MINDY2: variants seen among roughly 807,000 people sequenced by gnomAD.
MINDY2 encodes the protein MINDY lysine 48 deubiquitinase 2.
MINDY2 carries 52 observed loss-of-function variants against 68.2 expected under a neutral mutation model. That is an observed-to-expected ratio of 0.76 (90% confidence interval 0.61 to 0.96). The LOEUF (loss-of-function observed/expected upper bound fraction) is 0.96. MINDY2 is among the 40% of genes least tolerant of loss of function. The probability of loss-of-function intolerance (pLI) is 0.00; values close to 1 mark genes in which losing one functional copy is unlikely to be tolerated. For synonymous variants in MINDY2, 372 were observed against 303.0 expected, an observed-to-expected ratio of 1.23 and a Z score of -2.36; for missense variants, 881 against 773.4, an observed-to-expected ratio of 1.14 and a Z score of -1.65.
At chr15:58,832,791 G>T (rs1165260401) in intron 6 of MINDY2, among the ~76,000 whole-genome samples, 19 of 152,202 alleles carry the variant, frequency 1.2e-4, no homozygotes, top group African/African-American at 4.6e-4. Context: ...CTCCCAAAGT[G>T]CTGGGATTAC....
intron 5 of MINDY2, among the ~76,000 whole-genome samples, chr15:58,828,212 G>C (rs2031519383): frequency 6.6e-6 from 1 of 151,492 alleles, no homozygotes; most frequent in African/African-American, 2.4e-5. Context: ...CTGGGCATTT[G>C]TCATTAAAAT....
intron 3 of MINDY2, among the ~76,000 whole-genome samples, chr15:58,809,665 C>T (rs1484995362): frequency 6.6e-6 from 1 of 152,210 alleles, no homozygotes; most frequent in African/African-American, 2.4e-5. Context: ...TTCTATTACT[C>T]TCTACAACTC....
intron 7 of MINDY2, among the ~76,000 whole-genome samples, chr15:58,850,995 A>G (rs1308181473): frequency 6.6e-6 from 1 of 151,254 alleles, no homozygotes; most frequent in African/African-American, 2.4e-5. Flanking sequence ...TTTTTTCACG[A>G]CTGAGTCTTC....
chr15:58,831,758 T>C lies in MINDY2; in HGVS notation c.1226-16T>C, dbSNP rs2031737776. The stretch of plus-strand genomic sequence containing the variant: ...GAAATTATTCTTCTATCTAATGTTA[T>C]GCATTGGTTCTATAGGCTTTGTAGC... On this transcript the variant is annotated splice_polypyrimidine_tract_variant and intron_variant, in intron 5 of 8. Coordinates refer to ENST00000559228, the MANE Select transcript of MINDY2 (RefSeq NM_001040450.3). 1 of 1,597,740 alleles carries C rather than the reference T, an allele frequency of 6.3e-7. No individual in the cohort carries two copies. The highest frequency in any genetic ancestry group is 8.5e-7 in the Non-Finnish European group (1 of 1,174,250).
intron 1 of MINDY2, among the ~76,000 whole-genome samples, chr15:58,773,012 G>T (rs1567033628): frequency 2.6e-5 from 4 of 152,166 alleles, no homozygotes; most frequent in Admixed American, 1.3e-4. Context: ...CTCAGAGCGA[G>T]TTACCTGTCA....
chr15:58,782,582 G>A (rs1281636038), intron 1 of MINDY2, among the ~76,000 whole-genome samples: 2 of 151,822 alleles, frequency 1.3e-5, no homozygotes, highest in African/African-American at 2.4e-5. Flanking sequence ...TTTCCTCATC[G>A]TGCTTCACTT....
chr15:58,842,556 GA>G (rs2032333434), intron 6 of MINDY2, among the ~76,000 whole-genome samples: 1 of 152,102 alleles, frequency 6.6e-6, no homozygotes, highest in African/African-American at 2.4e-5. Context: ...ATTAAAAGGG[GA>G]GGGGGCAGAA....
At chr15:58,788,103 T>C (rs1021271505) in intron 2 of MINDY2, 140 bp downstream of exon 2, 14 of 549,512 alleles carry the variant, frequency 2.5e-5, no homozygotes, top group Middle Eastern at 5.2e-4. Flanking sequence ...AATTAAAAAT[T>C]TTTATCAGTA....
chr15:58,771,508 G>C lies in MINDY2; in HGVS notation c.113G>C (p.Gly38Ala). 6.2e-7 allele frequency: 1 copy of C among 1,612,410 alleles called. No homozygotes were observed. The highest frequency in any genetic ancestry group is 8.5e-7 in the Non-Finnish European group (1 of 1,179,798). The change falls in exon 1 of 9, where the codon GGT (glycine) becomes GCT (alanine). Residue 38 changes from glycine (G) to alanine (A), a missense_variant. By Grantham distance (60) the Gly-to-Ala change is moderately conservative. Transcript: ENST00000559228. ...EGLQETRLAA[G>A]DGPGVWAAET... ...CTACAGGAGACCAGGCTCGCCGCTG[G>C]TGATGGTCCTGGGGTATGGGCGGCG...
chr15:58,827,843 G>A (rs2031493853), intron 5 of MINDY2, among the ~76,000 whole-genome samples: 1 of 152,110 alleles, frequency 6.6e-6, no homozygotes, highest in Admixed American at 6.6e-5. Context: ...CTCAAGTTGG[G>A]TCTTGTGTTC....
chr15:58,800,381 C>T (rs1902561495), intron 2 of MINDY2, among the ~76,000 whole-genome samples: 1 of 152,104 alleles, frequency 6.6e-6, no homozygotes, highest in Admixed American at 6.6e-5. Context: ...TTTCATTCTT[C>T]ACTCCTCTAC....
In MINDY2 at chr15:58,854,538, A is replaced by G; in HGVS notation, c.1794A>G (p.Glu598=). The change falls in exon 9 of 9, where the codon GAA becomes GAG. Residue 598 remains glutamate, a synonymous_variant. Transcript: ENST00000559228. The stretch of plus-strand genomic sequence containing the variant: ...GTGGAAGACAATCTGGGAATAGTGA[A>G]CGTAAACGGAAGGAACCACGAGAAA... ...PSSGRQSGNS[E]RKRKEPREKD... 1 of 1,614,000 alleles carries G rather than the reference A, an allele frequency of 6.2e-7. No individual in the cohort carries two copies. The highest frequency in any genetic ancestry group is 1.3e-5 in the African/African-American group (1 of 75,062).
Position 58,858,952 on chromosome 15 carries a change from A to G in MINDY2, c.*4342A>G, listed in dbSNP as rs2033140416. On this transcript the variant is annotated 3_prime_UTR_variant, in exon 9 of 9. Coordinates refer to ENST00000559228, the MANE Select transcript of MINDY2 (RefSeq NM_001040450.3). ...AAATATGTGAAGGATGCTCTTTTTGATTAAGTGTTTTGCACTCCTGAATAA... is the reference window on the plus strand; with the variant it reads ...AAATATGTGAAGGATGCTCTTTTTGGTTAAGTGTTTTGCACTCCTGAATAA... The G allele has an allele frequency of 1.3e-5, 2 of 152,112 alleles. No homozygotes were observed. Among genetic ancestry groups the G allele is most frequent in the Non-Finnish European group, 2.9e-5 (2 of 67,976 alleles). 9.4% of individuals were successfully genotyped at this position (152,112 alleles called of 1,614,324 possible).
intron 3 of MINDY2, among the ~76,000 whole-genome samples, chr15:58,806,843 T>A (rs1903045823): frequency 6.6e-6 from 1 of 152,218 alleles, no homozygotes; most frequent in Non-Finnish European, 1.5e-5. Flanking sequence ...AGCTGGTTGT[T>A]TTTAAGCGTT....
At chr15:58,822,220 C>T (rs1337884354) in intron 5 of MINDY2, among the ~76,000 whole-genome samples, 1 of 151,476 alleles carries the variant, frequency 6.6e-6, no homozygotes, top group Non-Finnish European at 1.5e-5. Context: ...CGCCGCTGTA[C>T]TCCACCCTGG....
chr15:58,852,934 T>TGTTTG (rs1567079712), intron 8 of MINDY2, among the ~76,000 whole-genome samples: 16 of 24,664 alleles, frequency 6.5e-4, no homozygotes, highest in African/African-American at 2.1e-3. Flanking sequence ...TTTTTTTTTT[T>TGTTTG]TTTTTTTTTT....
At chr15:58,795,189 A>G (rs568584144) in intron 2 of MINDY2, among the ~76,000 whole-genome samples, 10 of 151,850 alleles carry the variant, frequency 6.6e-5, no homozygotes, top group Non-Finnish European at 1.2e-4. Flanking sequence ...AAATAAATAA[A>G]TAAATAAATA....
At chr15:58,775,436 T>C (rs1391420590) in intron 1 of MINDY2, among the ~76,000 whole-genome samples, 1 of 152,204 alleles carries the variant, frequency 6.6e-6, no homozygotes, top group Non-Finnish European at 1.5e-5. Context: ...ATATAGCTGA[T>C]ATTGGAGCTA....
rs35724367 is a variant in MINDY2 at position 58,840,823 on chromosome 15, A to AT, written c.1369-6456dup. ...AGGCCCCCGCCACCATGCCCAGCTA[A>AT]TTTTTTTTTTTTTTTTTTGTATTTT... On this transcript the variant is annotated intron_variant, in intron 6 of 8. Coordinates refer to ENST00000559228, the MANE Select transcript of MINDY2 (RefSeq NM_001040450.3). Among the ~76,000 whole-genome samples the AT allele has an allele frequency of 1.1e-3, 132 of 124,764 alleles. 2 individuals carry two copies. Among genetic ancestry groups the AT allele is most frequent in the South Asian group, 2.1e-3 (8 of 3,796 alleles). 81.9% of individuals were successfully genotyped at this position (124,764 alleles called of 152,430 possible).
Sources: allele counts gnomAD v4.1 joint callset (sites outside exome capture counted in the v4.1 genomes callset), GRCh38; gene constraint gnomAD v4.1.1; transcripts MANE v1.5; gene names NCBI Gene and HGNC (gene_info 2026-07-23, HGNC 2026-07-21).